LRCH1: variants seen among roughly 807,000 people sequenced by gnomAD.
LRCH1 encodes leucine-rich repeat and calponin homology domain-containing protein 1.
Under a neutral mutation model 94.9 loss-of-function variants are expected in LRCH1, and 23 were observed. That is an observed-to-expected ratio of 0.24 (90% CI 0.17 to 0.34). LRCH1 has a LOEUF of 0.34. Among genes scored for constraint, LRCH1 ranks in the 10% least tolerant of loss-of-function variants. LRCH1 has a pLI of 1.00. For missense variants in LRCH1, 790 were observed against 945.9 expected (o/e 0.84, Z 2.16); for synonymous variants, 364 against 354.9 (o/e 1.03, Z -0.29).
chr13:46,728,055 C>T (rs940846042), intron 17 of LRCH1, among the ~76,000 whole-genome samples: 2 of 151,244 alleles, frequency 1.3e-5, no homozygotes, highest in East Asian at 2.0e-4. Context: ...TAGCTGGGAC[C>T]GCAGGTACAC....
intron 1 of LRCH1, among the ~76,000 whole-genome samples, chr13:46,585,680 A>AT (rs1310165209): frequency 6.6e-6 from 1 of 152,098 alleles, no homozygotes; most frequent in Non-Finnish European, 1.5e-5. Flanking sequence ...CACTCAAGTA[A>AT]TTTTCATTCT....
At chr13:46,570,349 A>C (rs2050228633) in intron 1 of LRCH1, among the ~76,000 whole-genome samples, 1 of 152,216 alleles carries the variant, frequency 6.6e-6, no homozygotes, top group Non-Finnish European at 1.5e-5. Flanking sequence ...TGGCATCGAG[A>C]TGGTTTAGCT....
chr13:46,575,933 A>G lies in LRCH1; in HGVS notation c.307+22230A>G, dbSNP rs750330301. Among the ~76,000 whole-genome samples, 126 of 152,224 alleles carry G rather than the reference A, an allele frequency of 8.3e-4. 1 individual carries two copies. Among genetic ancestry groups the G allele is most frequent in the Non-Finnish European group, 1.3e-3 (89 of 68,044 alleles). ...GAATGAGCTTGATTAACGGCAGCAC[A>G]GGATTGGCAGGAGTGATATAAAATA... On this transcript the variant is annotated intron_variant, in intron 1 of 19. Transcript: ENST00000389797.
intron 1 of LRCH1, among the ~76,000 whole-genome samples, chr13:46,575,558 G>A (rs1465001103): frequency 7.5e-6 from 1 of 134,204 alleles, no homozygotes; most frequent in East Asian, 2.3e-4. Flanking sequence ...TGGGGGGGAT[G>A]TGGTCTCATT....
Position 46,689,117 on chromosome 13 carries a change from A to C in LRCH1, c.951-16A>C. On this transcript the variant is annotated splice_polypyrimidine_tract_variant and intron_variant, in intron 6 of 19. Coordinates refer to ENST00000389797, the MANE Select transcript of LRCH1 (RefSeq NM_001164211.2). ...TCTTTTTTAAATGAATTCAATATTGATGGCATCTATCTCAGCAAGAAGGAT... is the reference window on the plus strand; with the variant it reads ...TCTTTTTTAAATGAATTCAATATTGCTGGCATCTATCTCAGCAAGAAGGAT... 1 of 1,593,140 alleles carries C rather than the reference A, an allele frequency of 6.3e-7. No individual in the cohort carries two copies. The highest frequency in any genetic ancestry group is 1.7e-4 in the Middle Eastern group (1 of 6,012).
intron 2 of LRCH1, among the ~76,000 whole-genome samples, chr13:46,660,241 C>T (rs911445231): frequency 2.6e-5 from 4 of 151,716 alleles, no homozygotes; most frequent in Admixed American, 6.6e-5. Context: ...GTCTCGATCT[C>T]CTGACTTCGT....
At chr13:46,596,218 G>A (rs750128137) in intron 1 of LRCH1, among the ~76,000 whole-genome samples, 2 of 152,162 alleles carry the variant, frequency 1.3e-5, no homozygotes, top group Non-Finnish European at 2.9e-5. Context: ...TAGATAAAGG[G>A]CTGGTGAATT....
intron 1 of LRCH1, among the ~76,000 whole-genome samples, chr13:46,634,157 C>T (rs915472136): frequency 2.6e-5 from 4 of 152,160 alleles, no homozygotes; most frequent in Non-Finnish European, 5.9e-5. Flanking sequence ...GGATTACAGG[C>T]GTGAGCCACC....
At chr13:46,679,443 T>A (rs936104988) in intron 3 of LRCH1, among the ~76,000 whole-genome samples, 1 of 152,230 alleles carries the variant, frequency 6.6e-6, no homozygotes, top group Non-Finnish European at 1.5e-5. Flanking sequence ...TTCTCCCATG[T>A]GGAAATACAT....
intron 3 of LRCH1, among the ~76,000 whole-genome samples, chr13:46,676,343 T>A (rs1245265052): frequency 1.3e-5 from 2 of 152,162 alleles, no homozygotes; most frequent in Non-Finnish European, 2.9e-5. Context: ...CATTTCCCGG[T>A]TAGTTACATA....
In LRCH1 at chr13:46,553,242, C is replaced by CCATAAA; in HGVS notation, c.-155_-154insCATAAA. 1.4e-5 allele frequency: 8 copies of CCATAAA among 568,604 alleles called. No individual in the cohort carries two copies. The highest frequency in any genetic ancestry group is 2.0e-5 in the African/African-American group (1 of 50,480). 35.2% of individuals were successfully genotyped at this position (568,604 alleles called of 1,614,324 possible). ...CACGGCCGCCTCCCCGCCCGCCCCC[C>CCATAAA]ATTCTACGCGCCTGCCCACACCCTC... is the stretch of plus-strand genomic sequence containing the variant. On this transcript the variant is annotated 5_prime_UTR_variant, in exon 1 of 20. Coordinates refer to ENST00000389797, the MANE Select transcript of LRCH1 (RefSeq NM_001164211.2).
chr13:46,619,421 T>C (rs2138020366), intron 1 of LRCH1, among the ~76,000 whole-genome samples: 1 of 152,272 alleles, frequency 6.6e-6, no homozygotes, highest in Non-Finnish European at 1.5e-5. Flanking sequence ...AAAGTTCTTA[T>C]TTAAAAATTT....
At chr13:46,576,749 TAC>T (rs2050309147) in intron 1 of LRCH1, among the ~76,000 whole-genome samples, 1 of 152,248 alleles carries the variant, frequency 6.6e-6, no homozygotes, top group African/African-American at 2.4e-5. Flanking sequence ...AGCATTCCAT[TAC>T]AGTGCTAGGA....
chr13:46,710,689 G>A (rs1242478721), intron 13 of LRCH1, among the ~76,000 whole-genome samples: 1 of 152,192 alleles, frequency 6.6e-6, no homozygotes, highest in Non-Finnish European at 1.5e-5. Context: ...TCTTGGATTT[G>A]TGTCAAAGGT....
At chr13:46,576,971 C>T (rs1320188153) in intron 1 of LRCH1, among the ~76,000 whole-genome samples, 3 of 152,148 alleles carry the variant, frequency 2.0e-5, no homozygotes, top group East Asian at 1.9e-4. Context: ...AGTCCTTTTC[C>T]AAGCTTTCGA....
intron 1 of LRCH1, among the ~76,000 whole-genome samples, chr13:46,564,204 C>T (rs1361876313): frequency 1.3e-5 from 2 of 152,202 alleles, no homozygotes; most frequent in Non-Finnish European, 2.9e-5. Context: ...GCCCCCGACT[C>T]ACAAACGGGG....
chr13:46,686,615 G>A (rs774056775), intron 5 of LRCH1, among the ~76,000 whole-genome samples: 3 of 152,168 alleles, frequency 2.0e-5, no homozygotes, highest in Non-Finnish European at 2.9e-5. Flanking sequence ...GAATGGGACC[G>A]AGGGGCAGGA....
chr13:46,750,472 A>T, intron 18 of LRCH1: 1 of 1,121,164 alleles, frequency 8.9e-7, no homozygotes, highest in Non-Finnish European at 1.3e-6. Flanking sequence ...GTCATCAACG[A>T]TGTAGCAGGA....
chr13:46,623,067 C>G (rs1338930614), intron 1 of LRCH1, among the ~76,000 whole-genome samples: 1 of 152,120 alleles, frequency 6.6e-6, no homozygotes, highest in Non-Finnish European at 1.5e-5. Context: ...AGATGCCAGT[C>G]TGTCATTTGC....
Sources: gnomAD v4.1 joint callset for allele counts (sites outside exome capture counted in the v4.1 genomes callset) on GRCh38, gnomAD v4.1.1 for gene constraint, MANE v1.5 for transcripts, NCBI Gene and HGNC (gene_info 2026-07-23, HGNC 2026-07-21) for gene names.